The following TM4SF20 variants were observed in gnomAD, a reference collection of about 807,000 sequenced individuals.
TM4SF20 encodes the protein transmembrane 4 L6 family member 20.
In TM4SF20, 13 loss-of-function variants were observed where a neutral mutation model predicts 15.1. The ratio of observed to expected loss-of-function variants is 0.86; its 90% CI spans 0.56 to 1.36. The LOEUF (loss-of-function observed/expected upper bound fraction) is 1.36. Among genes scored for constraint, TM4SF20 ranks in the 40% most tolerant of loss-of-function variants. The probability of loss-of-function intolerance (pLI) is 0.00; values close to 1 mark genes in which losing one functional copy is unlikely to be tolerated. For synonymous variants in TM4SF20, 92 were observed against 96.6 expected (o/e 0.95, Z 0.28); for missense variants, 282 against 268.4 (o/e 1.05, Z -0.35).
chr2:227,364,096 G>T, intron 3 of TM4SF20, 84 bp from the exon 4 acceptor site: 1 of 1,318,934 alleles, frequency 7.6e-7, no homozygotes, highest in Non-Finnish European at 1.0e-6. Flanking sequence ...AAGAATGAGT[G>T]AAACGAATGT....
At chr2:227,365,384 G>GT (rs1182640285) in intron 3 of TM4SF20, among the ~76,000 whole-genome samples, 1 of 152,174 alleles carries the variant, frequency 6.6e-6, no homozygotes, top group Non-Finnish European at 1.5e-5. Context: ...GGATTAGATA[G>GT]TTTTTTTCTT....
intron 2 of TM4SF20, 73 bp from the exon 3 acceptor site, chr2:227,366,317 TAC>T: frequency 1.5e-6 from 2 of 1,352,458 alleles, no homozygotes; most frequent in Non-Finnish European, 2.0e-6. Flanking sequence ...CAGGAGCGTA[TAC>T]AGTCTTTTTT....
chr2:227,374,440 T>C (rs2076437318), intron 1 of TM4SF20, among the ~76,000 whole-genome samples: 2 of 152,020 alleles, frequency 1.3e-5, no homozygotes, highest in Non-Finnish European at 2.9e-5. Context: ...GAATGGTGTG[T>C]GTGTGTGTGT....
intron 2 of TM4SF20, among the ~76,000 whole-genome samples, chr2:227,369,585 T>C (rs10171478): frequency 0.5 from 75,760 of 151,872 alleles, 19,856 homozygotes; most frequent in African/African-American, 0.68. Context: ...TGGGCCACCG[T>C]GCCCAGCTAA....
At position 227,364,989 on chromosome 2, in the gene TM4SF20, C is replaced by A. The variant is rs138834092; in HGVS notation, c.402-977G>T. On this transcript the variant is annotated intron_variant, in intron 3 of 3. Transcript: ENST00000304568. Reference sequence around the variant, plus strand: ...GCAGTGGCTTGATCTTGGCTCACTGCAACCTCCGCCTCCTGGGTTCCAGCA... The same window carrying A: ...GCAGTGGCTTGATCTTGGCTCACTGAAACCTCCGCCTCCTGGGTTCCAGCA... 5.5e-3 allele frequency among the ~76,000 whole-genome samples: 842 copies of A among 152,324 alleles called. 2 individuals are homozygous for A. The highest frequency in any genetic ancestry group is 0.019 in the African/African-American group (804 of 41,576).
intron 2 of TM4SF20, among the ~76,000 whole-genome samples, chr2:227,367,817 C>G (rs2076400367): frequency 6.6e-6 from 1 of 152,010 alleles, no homozygotes; most frequent in South Asian, 2.1e-4. Context: ...GATGAGAAAA[C>G]TGTGTATCAT....
intron 3 of TM4SF20, 35 bp downstream of exon 3, chr2:227,366,058 T>C (rs763967861): frequency 1.5e-4 from 238 of 1,593,792 alleles, no homozygotes; most frequent in Non-Finnish European, 2.0e-4. Context: ...TTCAACTGTG[T>C]GAGACAGTAA....
At chr2:227,377,697 A>G (rs758215004) in intron 1 of TM4SF20, among the ~76,000 whole-genome samples, 1 of 152,178 alleles carries the variant, frequency 6.6e-6, no homozygotes. Context: ...GCTGGAGGCC[A>G]TTATCCTTAA....
intron 1 of TM4SF20, among the ~76,000 whole-genome samples, chr2:227,377,486 C>A (rs1030763196): frequency 2.0e-5 from 3 of 152,164 alleles, no homozygotes; most frequent in African/African-American, 7.2e-5. Context: ...GATCTTTCTA[C>A]CTAAAGCAGA....
chr2:227,365,697 A>G (rs2106488293), intron 3 of TM4SF20, among the ~76,000 whole-genome samples: 1 of 152,312 alleles, frequency 6.6e-6, no homozygotes, highest in South Asian at 2.1e-4. Context: ...TCAGAAGTGT[A>G]GAAAGTAAAT....
intron 1 of TM4SF20, 75 bp downstream of exon 1, chr2:227,379,011 C>G: frequency 6.8e-7 from 1 of 1,469,596 alleles, no homozygotes; most frequent in Non-Finnish European, 9.3e-7. Flanking sequence ...AACTGCAAGA[C>G]TGGAAGACAG....
At chr2:227,373,847 T>C (rs1035869888) in intron 1 of TM4SF20, among the ~76,000 whole-genome samples, 6 of 147,584 alleles carry the variant, frequency 4.1e-5, no homozygotes, top group African/African-American at 1.5e-4. Flanking sequence ...AGGACTCGCT[T>C]GAACGCGGGA....
intron 1 of TM4SF20, among the ~76,000 whole-genome samples, chr2:227,374,023 T>G (rs1300792947): frequency 1.4e-5 from 2 of 142,688 alleles, no homozygotes; most frequent in Non-Finnish European, 3.0e-5. Flanking sequence ...ATTTAGAAAA[T>G]TAATGATTCT....
intron 1 of TM4SF20, among the ~76,000 whole-genome samples, chr2:227,373,945 AAT>A (rs1243625494): frequency 1.1e-4 from 16 of 149,810 alleles, no homozygotes; most frequent in East Asian, 4.0e-4. Context: ...AAAAAAAAAA[AAT>A]ATGTGGAAGA....
At position 227,378,713 on chromosome 2, in the gene TM4SF20, C is replaced by T. The variant is rs143188123; in HGVS notation, c.183+373G>A. On this transcript the variant is annotated intron_variant, in intron 1 of 3. Coordinates refer to ENST00000304568, the MANE Select transcript of TM4SF20 (RefSeq NM_024795.4). ...ATTAAGCAACCTGTCACTCCTATTG[C>T]ATTTTCTGTAAATACTTAGAGACTG... Among the ~76,000 whole-genome samples the T allele has an allele frequency of 7.2e-5, 11 of 152,242 alleles. No individual in the cohort carries two copies. The East Asian group carries it at 1.5e-3, about 21-fold the overall frequency.
rs1289510441 is a variant in TM4SF20 at position 227,366,252 on chromosome 2, A to G, written c.250-8T>C. 1.2e-6 allele frequency: 2 copies of G among 1,609,536 alleles called. No homozygotes were observed. Among genetic ancestry groups the G allele is most frequent in the Non-Finnish European group, 1.7e-6 (2 of 1,178,562 alleles). On this transcript the variant is annotated splice_polypyrimidine_tract_variant and splice_region_variant and intron_variant, in intron 2 of 3. Transcript: ENST00000304568. ...AAGTGATGAAAGAAACATCTGAAAAATAAAATAGAGCCATTTGCACATGTT... is the reference window on the plus strand; with the variant it reads ...AAGTGATGAAAGAAACATCTGAAAAGTAAAATAGAGCCATTTGCACATGTT...
At chr2:227,375,656 A>AT (rs35817348) in intron 1 of TM4SF20, among the ~76,000 whole-genome samples, 77,125 of 151,602 alleles carry the variant, frequency 0.51, 19,688 homozygotes, top group Non-Finnish European at 0.53. Context: ...AGCCTGGCTA[A>AT]TTTTTTATAT....
chr2:227,365,535 T>A (rs1266733353), intron 3 of TM4SF20, among the ~76,000 whole-genome samples: 1 of 152,248 alleles, frequency 6.6e-6, no homozygotes, highest in Non-Finnish European at 1.5e-5. Flanking sequence ...TTCCCATGCA[T>A]ACAGTATATT....
In TM4SF20 at chr2:227,370,935, A is replaced by T. The variant is rs776517450; in HGVS notation, c.229T>A (p.Cys77Ser). 5.0e-6 allele frequency: 8 copies of T among 1,613,890 alleles called. No individual in the cohort carries two copies. In the South Asian group the frequency reaches 8.8e-5, roughly 18 times the overall value. ...TMSLTARKRA[C>S]CNNRTGMFLS... ...CTTACTCCAGTTCTGTTGTTGCAGC[A>T]CGCTCTTTTTCTTGCTGTCAAGGAC... is the stretch of plus-strand genomic sequence containing the variant. The change falls in exon 2 of 4, where the codon TGC (cysteine) becomes AGC (serine). Residue 77 changes from cysteine to serine, a missense_variant. Coordinates refer to ENST00000304568, the MANE Select transcript of TM4SF20 (RefSeq NM_024795.4).
Sources: allele counts gnomAD v4.1 joint callset (sites outside exome capture counted in the v4.1 genomes callset), GRCh38; gene constraint gnomAD v4.1.1; transcripts MANE v1.5; gene names NCBI Gene and HGNC (gene_info 2026-07-23, HGNC 2026-07-21).